Variants in ERBB4 observed in about 807,000 individuals in gnomAD.
ERBB4 encodes receptor tyrosine-protein kinase erbB-4.
A neutral mutation model predicts 158.0 loss-of-function variants in ERBB4; 42 were observed. That is an observed-to-expected ratio of 0.27 (90% confidence interval 0.21 to 0.34). The LOEUF is 0.34. Ranked by LOEUF, ERBB4 falls within the 10% of genes least tolerant of loss-of-function variation. The probability of loss-of-function intolerance (pLI) is 1.00; values close to 1 mark genes in which losing one functional copy is unlikely to be tolerated. For missense variants in ERBB4, 1,333 were observed against 1,624.1 expected, an observed-to-expected ratio of 0.82 and a Z score of 3.08; for synonymous variants, 583 against 558.7, an observed-to-expected ratio of 1.04 and a Z score of -0.61.
At chr2:212,453,031 C>G (rs1305323328) in intron 1 of ERBB4, among the ~76,000 whole-genome samples, 1 of 152,090 alleles carries the variant, frequency 6.6e-6, no homozygotes, top group African/African-American at 2.4e-5. Context: ...AACTCTTGCT[C>G]TGACATTTTA....
At chr2:212,176,160 C>T (rs1007437034) in intron 1 of ERBB4, among the ~76,000 whole-genome samples, 1 of 151,942 alleles carries the variant, frequency 6.6e-6, no homozygotes, top group African/African-American at 2.4e-5. Context: ...CTCAGGCTAA[C>T]CCTTGCTGTG....
chr2:212,350,874 G>A (rs532177036), intron 1 of ERBB4, among the ~76,000 whole-genome samples: 48 of 152,144 alleles, frequency 3.2e-4, no homozygotes, highest in Non-Finnish European at 5.6e-4. Context: ...CATTGACACT[G>A]TGTTCTAATG....
intron 2 of ERBB4, among the ~76,000 whole-genome samples, chr2:212,055,768 C>A (rs2077544765): frequency 6.6e-6 from 1 of 152,180 alleles, no homozygotes; most frequent in Non-Finnish European, 1.5e-5. Context: ...CACACCAAAA[C>A]CCCATCTGTA....
intron 2 of ERBB4, among the ~76,000 whole-genome samples, chr2:211,978,172 A>C (rs1326388727): frequency 1.3e-5 from 2 of 152,006 alleles, no homozygotes; most frequent in Non-Finnish European, 2.9e-5. Context: ...AAGAGACTGC[A>C]GAATTGCTCC....
At chr2:211,469,070 C>T (rs188712863) in intron 20 of ERBB4, among the ~76,000 whole-genome samples, 196 of 152,094 alleles carry the variant, frequency 1.3e-3, no homozygotes, top group African/African-American at 4.6e-3. Flanking sequence ...GACCTGATCC[C>T]GCATGTAATG....
At chr2:212,346,372 C>G (rs1389404998) in intron 1 of ERBB4, among the ~76,000 whole-genome samples, 1 of 151,832 alleles carries the variant, frequency 6.6e-6, no homozygotes. Context: ...CTCTTAAAGC[C>G]AAATACATAA....
At chr2:211,847,366 A>G (rs1433306801) in intron 3 of ERBB4, among the ~76,000 whole-genome samples, 1 of 152,154 alleles carries the variant, frequency 6.6e-6, no homozygotes, top group African/African-American at 2.4e-5. Flanking sequence ...GTTAAAATCT[A>G]TCATACATAA....
At chr2:211,465,864 C>A (rs1173093183) in intron 20 of ERBB4, among the ~76,000 whole-genome samples, 1 of 152,106 alleles carries the variant, frequency 6.6e-6, no homozygotes, top group African/African-American at 2.4e-5. Flanking sequence ...CCCCTGGCAA[C>A]TTCCAGATTT....
intron 2 of ERBB4, among the ~76,000 whole-genome samples, chr2:211,956,257 C>T (rs2081027555): frequency 6.6e-6 from 1 of 151,878 alleles, no homozygotes; most frequent in Admixed American, 6.6e-5. Flanking sequence ...CGCATAAATG[C>T]AAAAATAGTA....
intron 14 of ERBB4, among the ~76,000 whole-genome samples, chr2:211,669,939 G>C (rs1574956418): frequency 1.3e-5 from 2 of 152,190 alleles, no homozygotes; most frequent in African/African-American, 4.8e-5. Flanking sequence ...GTGATAGCAT[G>C]CTTCAGATGT....
chr2:211,477,681 G>A (rs1297343017), intron 20 of ERBB4, among the ~76,000 whole-genome samples: 1 of 151,996 alleles, frequency 6.6e-6, no homozygotes, highest in Non-Finnish European at 1.5e-5. Context: ...AAAGAAACTA[G>A]AGAAGGAGGA....
chr2:211,832,120 T>C (rs187942366), intron 3 of ERBB4, among the ~76,000 whole-genome samples: 89 of 152,304 alleles, frequency 5.8e-4, no homozygotes, highest in East Asian at 1.5e-3. Flanking sequence ...TAAAAATTCA[T>C]ATAGCTACTG....
chr2:211,509,440 G>A (rs925784376), intron 20 of ERBB4, among the ~76,000 whole-genome samples: 3 of 151,876 alleles, frequency 2.0e-5, no homozygotes, highest in Non-Finnish European at 4.4e-5. Context: ...TATACAAAAC[G>A]TAACTCAAGA....
chr2:211,434,303 C>A (rs1351773625), intron 20 of ERBB4, among the ~76,000 whole-genome samples: 1 of 152,052 alleles, frequency 6.6e-6, no homozygotes, highest in African/African-American at 2.4e-5. Flanking sequence ...AAATTCTAGC[C>A]CCCAAAGTGA....
intron 19 of ERBB4, among the ~76,000 whole-genome samples, chr2:211,612,276 T>C (rs1031706996): frequency 6.6e-6 from 1 of 152,114 alleles, no homozygotes; most frequent in Non-Finnish European, 1.5e-5. Flanking sequence ...GTAGTTATTC[T>C]GTCTCCTATG....
At chr2:211,582,431 T>G (rs557098752) in intron 19 of ERBB4, among the ~76,000 whole-genome samples, 270 of 152,302 alleles carry the variant, frequency 1.8e-3, no homozygotes, top group Non-Finnish European at 2.7e-3. Flanking sequence ...GATCTAAGTC[T>G]TTCCTTTAAG....
intron 1 of ERBB4, among the ~76,000 whole-genome samples, chr2:212,417,214 A>G (rs1034966033): frequency 6.6e-6 from 1 of 151,970 alleles, no homozygotes; most frequent in Non-Finnish European, 1.5e-5. Flanking sequence ...TTATTTTGTA[A>G]TTTATTTTAT....
intron 1 of ERBB4, among the ~76,000 whole-genome samples, chr2:212,383,148 A>G (rs890354562): frequency 3.3e-5 from 5 of 151,434 alleles, no homozygotes; most frequent in African/African-American, 9.7e-5. Context: ...GATATTTTCA[A>G]TAGCCATGAT....
intron 2 of ERBB4, among the ~76,000 whole-genome samples, chr2:211,967,122 C>T (rs2081330107): frequency 1.3e-5 from 2 of 152,032 alleles, no homozygotes; most frequent in Admixed American, 1.3e-4. Context: ...TGAGTGAATT[C>T]TACACAGAAA....
Sources: allele counts gnomAD v4.1 joint callset (sites outside exome capture counted in the v4.1 genomes callset), GRCh38; gene constraint gnomAD v4.1.1; transcripts MANE v1.5; gene names NCBI Gene and HGNC (gene_info 2026-07-23, HGNC 2026-07-21).